Variants in CACNA2D1 observed in about 807,000 individuals in gnomAD.
CACNA2D1 encodes calcium voltage-gated channel auxiliary subunit alpha2delta 1.
Under a neutral mutation model 171.5 loss-of-function variants are expected in CACNA2D1, and 53 were observed. The observed-to-expected ratio is 0.31, with a 90% CI of 0.25 to 0.39. CACNA2D1 has a LOEUF of 0.39. Ranked by LOEUF, CACNA2D1 falls within the 10% of genes least tolerant of loss-of-function variation. The pLI, the probability that CACNA2D1 is intolerant of heterozygous loss-of-function variation, is 1.00. For synonymous variants in CACNA2D1, 442 were observed against 443.1 expected (o/e 1.00, Z 0.03); for missense variants, 903 against 1,299.8 (o/e 0.69, Z 4.69).
At chr7:82,261,148 T>TA (rs1207558056) in intron 3 of CACNA2D1, among the ~76,000 whole-genome samples, 1 of 151,968 alleles carries the variant, frequency 6.6e-6, no homozygotes, top group Non-Finnish European at 1.5e-5. Context: ...AGAGACAGGG[T>TA]TTTACCATGT....
Position 82,150,184 on chromosome 7 carries a change from C to A in CACNA2D1, c.355-13508G>T, listed in dbSNP as rs181549005. ...CCCTGTGACATAAACATTCAGTTGACAAATACGGTCTCTAGAATCCTTCCA... is the reference window on the plus strand; with the variant it reads ...CCCTGTGACATAAACATTCAGTTGAAAAATACGGTCTCTAGAATCCTTCCA... On this transcript the variant is annotated intron_variant, in intron 4 of 38. Transcript: ENST00000356860. 2.0e-4 allele frequency among the ~76,000 whole-genome samples: 29 copies of A among 148,490 alleles called. No homozygotes were observed. In the Middle Eastern group the frequency reaches 0.014, roughly 73 times the overall value.
At chr7:82,365,635 G>A (rs1356692050) in intron 1 of CACNA2D1, among the ~76,000 whole-genome samples, 1 of 152,224 alleles carries the variant, frequency 6.6e-6, no homozygotes. Flanking sequence ...TGGCTACATA[G>A]AGAAATGAAG....
intron 6 of CACNA2D1, among the ~76,000 whole-genome samples, chr7:82,111,445 T>TATATATATATATATA (rs370516065): frequency 2.0e-4 from 10 of 49,084 alleles, no homozygotes; most frequent in African/African-American, 7.4e-4. Context: ...TATATATATA[T>TATATATATATATATA]TTTTTTTTTT....
At chr7:82,238,590 G>GA (rs973490708) in intron 3 of CACNA2D1, among the ~76,000 whole-genome samples, 9 of 151,876 alleles carry the variant, frequency 5.9e-5, no homozygotes, top group East Asian at 1.9e-4. Flanking sequence ...CAACGTTGCA[G>GA]AAAAAAAAGA....
At chr7:82,417,963 C>T (rs1404883785) in intron 1 of CACNA2D1, among the ~76,000 whole-genome samples, 1 of 152,142 alleles carries the variant, frequency 6.6e-6, no homozygotes, top group African/African-American at 2.4e-5. Context: ...CAACATGAGT[C>T]TTTCTAGTCT....
At chr7:82,108,724 T>C (rs997683129) in intron 6 of CACNA2D1, among the ~76,000 whole-genome samples, 21 of 152,324 alleles carry the variant, frequency 1.4e-4, no homozygotes, top group African/African-American at 4.8e-4. Flanking sequence ...AATATGCATG[T>C]ATTACATAAA....
At chr7:82,164,542 G>T (rs1795249598) in intron 4 of CACNA2D1, among the ~76,000 whole-genome samples, 1 of 151,988 alleles carries the variant, frequency 6.6e-6, no homozygotes, top group Non-Finnish European at 1.5e-5. Flanking sequence ...CTGTTCTAGG[G>T]AAATGTCCAG....
intron 1 of CACNA2D1, among the ~76,000 whole-genome samples, chr7:82,371,586 TA>T (rs750361836): frequency 1.2e-3 from 185 of 151,678 alleles, no homozygotes; most frequent in African/African-American, 4.1e-3. Context: ...ATTTTATTAT[TA>T]TTATTATTTT....
At chr7:82,220,781 CTTTTTT>C (rs71093369) in intron 3 of CACNA2D1, among the ~76,000 whole-genome samples, 1 of 134,444 alleles carries the variant, frequency 7.4e-6, no homozygotes, top group Non-Finnish European at 1.6e-5. Flanking sequence ...TTTCTTTTTT[CTTTTTT>C]TTTTTTTTTG....
chr7:82,014,545 C>T, intron 12 of CACNA2D1, 66 bp from the exon 13 acceptor site: 1 of 863,378 alleles, frequency 1.2e-6, no homozygotes. Context: ...CAAAATAAAA[C>T]AGCTAAAATT....
intron 3 of CACNA2D1, among the ~76,000 whole-genome samples, chr7:82,289,393 G>A (rs1235149018): frequency 6.6e-6 from 1 of 152,098 alleles, no homozygotes; most frequent in Non-Finnish European, 1.5e-5. Context: ...CAATGAACAA[G>A]ATGAATTATT....
At chr7:82,180,957 A>G (rs955852729) in intron 3 of CACNA2D1, among the ~76,000 whole-genome samples, 1 of 150,776 alleles carries the variant, frequency 6.6e-6, no homozygotes, top group Non-Finnish European at 1.5e-5. Context: ...TTTGAAGAAA[A>G]CATGCCAGAA....
chr7:82,419,665 A>T (rs954218915), intron 1 of CACNA2D1, among the ~76,000 whole-genome samples: 1 of 152,214 alleles, frequency 6.6e-6, no homozygotes, highest in South Asian at 2.1e-4. Context: ...TTTTAATAGC[A>T]TATTCGTTAT....
chr7:81,981,688 A>G (rs1796457761), intron 24 of CACNA2D1, among the ~76,000 whole-genome samples: 1 of 152,196 alleles, frequency 6.6e-6, no homozygotes, highest in South Asian at 2.1e-4. Context: ...GGAGTCAAAA[A>G]CTGAGGAAAG....
intron 22 of CACNA2D1, among the ~76,000 whole-genome samples, chr7:81,984,303 A>C (rs1036893901): frequency 1.3e-5 from 2 of 152,212 alleles, no homozygotes; most frequent in Non-Finnish European, 2.9e-5. Flanking sequence ...TATGTTGATA[A>C]GTAGCATGTG....
rs1393362947 is a variant in CACNA2D1 at position 82,276,485 on chromosome 7, T to TAGTA, written c.294+58646_294+58649dup. 2.0e-5 allele frequency among the ~76,000 whole-genome samples: 3 copies of TAGTA among 152,092 alleles called. No homozygotes were observed. In the East Asian group the frequency reaches 5.8e-4, roughly 29 times the overall value. On this transcript the variant is annotated intron_variant, in intron 3 of 38. Coordinates refer to ENST00000356860, the MANE Select transcript of CACNA2D1 (RefSeq NM_000722.4). ...AGCCAGTTTGTTTTAGGGGCAGAAA[T>TAGTA]AGTAGCTCCAGGTAGCAATGTAAAC...
chr7:82,075,664 T>C (rs1232473697), intron 7 of CACNA2D1, among the ~76,000 whole-genome samples: 1 of 152,224 alleles, frequency 6.6e-6, no homozygotes, highest in African/African-American at 2.4e-5. Context: ...GTTCTGTAAG[T>C]GAAAATCTTA....
At chr7:82,203,216 G>A (rs1563197400) in intron 3 of CACNA2D1, among the ~76,000 whole-genome samples, 1 of 152,124 alleles carries the variant, frequency 6.6e-6, no homozygotes, top group Non-Finnish European at 1.5e-5. Context: ...CATACAGAGA[G>A]TGCTGGTGCT....
At chr7:82,365,116 G>C (rs550053628) in intron 1 of CACNA2D1, among the ~76,000 whole-genome samples, 33 of 152,244 alleles carry the variant, frequency 2.2e-4, no homozygotes, top group African/African-American at 7.2e-4. Flanking sequence ...AAGGACATCT[G>C]GAAGTTGGGA....
Sources: allele counts gnomAD v4.1 joint callset (sites outside exome capture counted in the v4.1 genomes callset), GRCh38; gene constraint gnomAD v4.1.1; transcripts MANE v1.5; gene names NCBI Gene and HGNC (gene_info 2026-07-23, HGNC 2026-07-21).